Variants in ZMYND11 observed in about 807,000 individuals in gnomAD.
The protein encoded by ZMYND11 is zinc finger MYND-type containing 11, also known as zinc finger MYND domain-containing protein 11.
In ZMYND11, 9 loss-of-function variants were observed where a neutral mutation model predicts 84.9. The ratio of observed to expected loss-of-function variants is 0.11; its 90% confidence interval spans 0.06 to 0.18. ZMYND11 has a LOEUF of 0.18. Among genes scored for constraint, ZMYND11 ranks in the 10% least tolerant of loss-of-function variants. ZMYND11 has a pLI of 1.00. For missense variants in ZMYND11, 409 were observed against 761.0 expected (o/e 0.54, Z 5.44); for synonymous variants, 250 against 244.1 (o/e 1.02, Z -0.23).
chr10:239,551 T>C lies in ZMYND11; in HGVS notation c.697+26T>C, dbSNP rs777834790. ...GTTGAATATTTTTGTTTTTTTTGTA[T>C]GCATTTTTAAACACACCATTTACAT... On this transcript the variant is annotated intron_variant, in intron 7 of 14. Transcript: ENST00000381604. 3.9e-6 allele frequency: 6 copies of C among 1,527,350 alleles called. No homozygotes were observed. The East Asian group carries it at 1.1e-4, about 29-fold the overall frequency. The allele number at this position is 1,527,350 out of a possible 1,614,324, so 94.6% of individuals were successfully genotyped here. A position where few individuals can be genotyped will look rare whatever the true frequency, so the allele number is the denominator to read the frequency against.
intron 2 of ZMYND11, among the ~76,000 whole-genome samples, chr10:183,415 T>C (rs1848291573): frequency 6.6e-6 from 1 of 152,144 alleles, no homozygotes; most frequent in African/African-American, 2.4e-5. Flanking sequence ...GGGAGTGGTA[T>C]GTTCTACCAT....
At chr10:164,582 T>G (rs1326227946) in intron 1 of ZMYND11, among the ~76,000 whole-genome samples, 7 of 152,212 alleles carry the variant, frequency 4.6e-5, no homozygotes, top group African/African-American at 1.7e-4. Flanking sequence ...GTGAACTTTC[T>G]TAAATCATCC....
intron 3 of ZMYND11, among the ~76,000 whole-genome samples, chr10:212,294 T>C (rs1189932596): frequency 6.6e-6 from 1 of 152,178 alleles, no homozygotes; most frequent in Non-Finnish European, 1.5e-5. Context: ...CATATATTTA[T>C]AGAATCATCC....
In ZMYND11 at chr10:247,674, C is replaced by T. The variant is rs75226911; in HGVS notation, c.1227+208C>T. Reference sequence around the variant, plus strand: ...CTGTTACCCTGGAATAGCGTACATGCTCCAAGTCTCCATCTTAATTAAGCA... The same window carrying T: ...CTGTTACCCTGGAATAGCGTACATGTTCCAAGTCTCCATCTTAATTAAGCA... On this transcript the variant is annotated intron_variant, in intron 12 of 14. Coordinates refer to ENST00000381604, the MANE Select transcript of ZMYND11 (RefSeq NM_001370100.5). Among the ~76,000 whole-genome samples the T allele has an allele frequency of 9.8e-5, 15 of 152,314 alleles. No homozygotes were observed. The East Asian group carries it at 2.9e-3, about 29-fold the overall frequency.
chr10:246,588 T>C (rs1279034185), intron 10 of ZMYND11, among the ~76,000 whole-genome samples, 178 bp from the exon 11 acceptor site: 1 of 152,168 alleles, frequency 6.6e-6, no homozygotes, highest in Non-Finnish European at 1.5e-5. Flanking sequence ...GCCTAAGTGA[T>C]TGTGGTTTTC....
intron 1 of ZMYND11, among the ~76,000 whole-genome samples, chr10:151,151 T>C (rs111293257): frequency 1.3e-5 from 2 of 151,970 alleles, no homozygotes; most frequent in Non-Finnish European, 2.9e-5. Flanking sequence ...ATTCTAAAAA[T>C]CAGAGCACCT....
intron 3 of ZMYND11, among the ~76,000 whole-genome samples, chr10:211,252 AATCT>A (rs1376570250): frequency 6.6e-6 from 1 of 151,996 alleles, no homozygotes; most frequent in African/African-American, 2.4e-5. Flanking sequence ...AGAAAAAAAA[AATCT>A]ATCTATAGAT....
chr10:239,651 T>C lies in ZMYND11; in HGVS notation c.697+126T>C, dbSNP rs1448246376. 6.6e-6 allele frequency: 5 copies of C among 754,330 alleles called. No homozygotes were observed. The South Asian group carries it at 7.6e-5, about 12-fold the overall frequency. The allele number at this position is 754,330 out of a possible 1,614,324, so 46.7% of individuals were successfully genotyped here. On this transcript the variant is annotated intron_variant, in intron 7 of 14. Coordinates refer to ENST00000381604, the MANE Select transcript of ZMYND11 (RefSeq NM_001370100.5). ...ACCTTAATGATCTACAAGTTTAGAG[T>C]ATAAGGTTAGGAATATCTGGTGATA... is the stretch of plus-strand genomic sequence containing the variant.
At chr10:236,782 A>G (rs1564435914) in intron 4 of ZMYND11, 56 bp from the exon 5 acceptor site, 2 of 1,454,774 alleles carry the variant, frequency 1.4e-6, no homozygotes, top group South Asian at 1.2e-5. Context: ...TTACATGAAT[A>G]TAGACATAAG....
chr10:159,596 G>T (rs1394285571), intron 1 of ZMYND11, among the ~76,000 whole-genome samples: 1 of 151,886 alleles, frequency 6.6e-6, no homozygotes, highest in Non-Finnish European at 1.5e-5. Context: ...GGATTTTGGG[G>T]CGTATTCTGA....
upstream of ZMYND11, among the ~76,000 whole-genome samples, chr10:134,079 T>C (rs1303591758): frequency 1.3e-5 from 2 of 152,174 alleles, no homozygotes; most frequent in African/African-American, 2.4e-5. Flanking sequence ...GGCCAATAGA[T>C]ACCTGAAACC....
At chr10:185,740 G>C (rs1349931341) in intron 2 of ZMYND11, among the ~76,000 whole-genome samples, 2 of 150,560 alleles carry the variant, frequency 1.3e-5, no homozygotes, top group African/African-American at 4.9e-5. Context: ...ACTTGAACCC[G>C]GGAGGCGGAG....
chr10:132,473 A>G (rs1835334428), upstream of ZMYND11, among the ~76,000 whole-genome samples: 1 of 151,778 alleles, frequency 6.6e-6, no homozygotes, highest in South Asian at 2.1e-4. Context: ...TGTGTAAGAG[A>G]TGACACTCAC....
chr10:210,661 G>T (rs960957653), intron 3 of ZMYND11, among the ~76,000 whole-genome samples: 2 of 152,108 alleles, frequency 1.3e-5, no homozygotes, highest in African/African-American at 4.8e-5. Context: ...TTTAAATGTT[G>T]ATATTTTAAT....
intron 1 of ZMYND11, among the ~76,000 whole-genome samples, chr10:164,181 C>G (rs1843494675): frequency 2.0e-5 from 3 of 152,082 alleles, no homozygotes; most frequent in Admixed American, 2.0e-4. Flanking sequence ...CTCAGTATAG[C>G]TCTCATCTGC....
chr10:252,293 G>C lies in ZMYND11; in HGVS notation c.1687-55G>C. The C allele has an allele frequency of 1.2e-6, 2 of 1,601,090 alleles. No homozygotes were observed. The highest frequency in any genetic ancestry group is 1.7e-6 in the Non-Finnish European group (2 of 1,173,394). On this transcript the variant is annotated intron_variant, in intron 14 of 14. Coordinates refer to ENST00000381604, the MANE Select transcript of ZMYND11 (RefSeq NM_001370100.5). This position sits in a 1 kb window ranked among gnomAD's most constrained non-coding sequence, Gnocchi z 4.6. ...CCTCAAGAGTTTGCCATTTTAACCAGTCGCTTACACATCCACACCCAAGTC... is the reference window on the plus strand; with the variant it reads ...CCTCAAGAGTTTGCCATTTTAACCACTCGCTTACACATCCACACCCAAGTC...
At chr10:173,538 T>C (rs782558743) in intron 1 of ZMYND11, among the ~76,000 whole-genome samples, 1 of 152,060 alleles carries the variant, frequency 6.6e-6, no homozygotes, top group African/African-American at 2.4e-5. Context: ...TAACATAGCA[T>C]AATCCTGCCT....
chr10:179,184 A>G (rs1195042355), intron 1 of ZMYND11, among the ~76,000 whole-genome samples: 8 of 152,202 alleles, frequency 5.3e-5, no homozygotes, highest in Admixed American at 1.3e-4. Flanking sequence ...ACGTCTCTCC[A>G]TGCTGAGTTA....
intron 2 of ZMYND11, among the ~76,000 whole-genome samples, chr10:197,570 T>C (rs943936563): frequency 6.6e-6 from 1 of 152,234 alleles, no homozygotes; most frequent in Non-Finnish European, 1.5e-5. Flanking sequence ...CGTTTTCTAG[T>C]AGCTAATGCA....
Sources: allele counts gnomAD v4.1 joint callset (sites outside exome capture counted in the v4.1 genomes callset), GRCh38; gene constraint gnomAD v4.1.1; non-coding constraint Gnocchi (gnomAD v3.1); transcripts MANE v1.5; gene names NCBI Gene and HGNC (gene_info 2026-07-23, HGNC 2026-07-21).